Variants in STK3 observed in about 807,000 individuals in gnomAD.
STK3 encodes serine/threonine kinase 3.
A neutral mutation model predicts 58.0 loss-of-function variants in STK3; 41 were observed. The ratio of observed to expected loss-of-function variants is 0.71; its 90% CI spans 0.55 to 0.92. The LOEUF is 0.92. STK3 is among the 40% of genes least tolerant of loss of function. The probability of loss-of-function intolerance (pLI) is 0.00; values close to 1 mark genes in which losing one functional copy is unlikely to be tolerated. For synonymous variants in STK3, 170 were observed against 191.0 expected, an observed-to-expected ratio of 0.89 and a Z score of 0.91; for missense variants, 479 against 602.7, an observed-to-expected ratio of 0.79 and a Z score of 2.15.
chr8:98,621,948 A>G (rs1818360610), intron 6 of STK3, among the ~76,000 whole-genome samples: 1 of 151,924 alleles, frequency 6.6e-6, no homozygotes, highest in South Asian at 2.1e-4. Flanking sequence ...AGACCGTCAA[A>G]TGAAAAATTC....
Position 98,428,004 on chromosome 8 carries a change from G to C in STK3, n.483+6123C>G, listed in dbSNP as rs767207753. ...CATGACCGGCCAGAGCCTGTGGGAC[G>C]TGTCGGAGGCTAACGTCGAGGACGG... On this transcript the variant is annotated intron_variant and non_coding_transcript_variant, in intron 3 of 3. Coordinates refer to the STK3 transcript ENST00000517832. The surrounding 1 kb of genome is among the most constrained non-coding windows in gnomAD (Gnocchi z 6.7). 1 of 1,576,496 alleles carries C rather than the reference G, an allele frequency of 6.3e-7. No homozygotes were observed.
At chr8:98,792,507 A>G (rs748824131) in intron 1 of STK3, among the ~76,000 whole-genome samples, 29 of 152,102 alleles carry the variant, frequency 1.9e-4, no homozygotes, top group Non-Finnish European at 2.9e-4. Flanking sequence ...GACCAGGCTG[A>G]CCAACATGGA....
intron 8 of STK3, among the ~76,000 whole-genome samples, chr8:98,556,347 C>A (rs1330051363): frequency 6.6e-6 from 1 of 151,940 alleles, no homozygotes; most frequent in Non-Finnish European, 1.5e-5. Context: ...GAGATAAAAT[C>A]TAGCCAAACG....
chr8:98,568,574 TGAA>T (rs1812702014), intron 8 of STK3, among the ~76,000 whole-genome samples: 1 of 151,932 alleles, frequency 6.6e-6, no homozygotes, highest in Non-Finnish European at 1.5e-5. Context: ...CCCGTACATT[TGAA>T]GAAAGCCCAT....
intron 3 of STK3, among the ~76,000 whole-genome samples, chr8:98,761,799 T>C (rs1830633603): frequency 6.6e-6 from 1 of 152,216 alleles, no homozygotes; most frequent in African/African-American, 2.4e-5. Flanking sequence ...TCCTCCAACA[T>C]GGTGATTTTG....
At chr8:98,490,090 T>C (rs535801275) in intron 10 of STK3, among the ~76,000 whole-genome samples, 1 of 152,316 alleles carries the variant, frequency 6.6e-6, no homozygotes, top group South Asian at 2.1e-4. Context: ...TTATAGTTAG[T>C]CGTAGAGTTT....
At chr8:98,655,214 G>A (rs1240407106) in intron 6 of STK3, among the ~76,000 whole-genome samples, 3 of 152,174 alleles carry the variant, frequency 2.0e-5, no homozygotes, top group Admixed American at 1.3e-4. Flanking sequence ...TGACAAACCT[G>A]ACAAAAACAA....
intron 1 of STK3, among the ~76,000 whole-genome samples, chr8:98,788,715 A>G (rs567518925): frequency 6.6e-6 from 1 of 152,332 alleles, no homozygotes; most frequent in Admixed American, 6.5e-5. Flanking sequence ...ACAGGAAAAT[A>G]TCACAATCCT....
At chr8:98,497,842 A>G (rs760860268) in intron 10 of STK3, among the ~76,000 whole-genome samples, 4 of 152,194 alleles carry the variant, frequency 2.6e-5, no homozygotes, top group Non-Finnish European at 4.4e-5. Context: ...TACACTGCTG[A>G]CAGGAATGTA....
At chr8:98,533,466 A>G (rs1184202279) in intron 9 of STK3, among the ~76,000 whole-genome samples, 1 of 152,042 alleles carries the variant, frequency 6.6e-6, no homozygotes, top group Non-Finnish European at 1.5e-5. Flanking sequence ...GTATGTATGT[A>G]TGGATGGATG....
At chr8:98,591,579 C>G (rs369343836) in intron 7 of STK3, among the ~76,000 whole-genome samples, 253 of 152,306 alleles carry the variant, frequency 1.7e-3, no homozygotes, top group African/African-American at 5.8e-3. Flanking sequence ...ACCCTTTTAA[C>G]TTTATTAGCC....
intron 1 of STK3, among the ~76,000 whole-genome samples, chr8:98,775,607 T>G (rs1438669035): frequency 6.6e-6 from 1 of 152,202 alleles, no homozygotes; most frequent in Non-Finnish European, 1.5e-5. Context: ...TTTATGCTTA[T>G]CTCTAGCCAA....
At chr8:98,537,212 C>A (rs1809837318) in intron 9 of STK3, among the ~76,000 whole-genome samples, 1 of 152,096 alleles carries the variant, frequency 6.6e-6, no homozygotes, top group Non-Finnish European at 1.5e-5. Flanking sequence ...GCTTATACTT[C>A]TAAATATTTT....
At chr8:98,905,766 C>T in intron 1 of STK3, 1 of 446,780 alleles carries the variant, frequency 2.2e-6, no homozygotes, top group African/African-American at 2.0e-5. Flanking sequence ...AAAACTTCAG[C>T]CGAATTAAAT....
At chr8:98,900,927 G>C (rs912769479) in intron 1 of STK3, among the ~76,000 whole-genome samples, 13 of 152,268 alleles carry the variant, frequency 8.5e-5, no homozygotes, top group African/African-American at 2.9e-4. Flanking sequence ...TTCCTAAAGT[G>C]CTGGGATAAC....
chr8:98,790,626 T>A (rs929063783), intron 1 of STK3, among the ~76,000 whole-genome samples: 1 of 152,120 alleles, frequency 6.6e-6, no homozygotes, highest in African/African-American at 2.4e-5. Context: ...ATGCCCACTC[T>A]CACCACTCCT....
chr8:98,881,908 G>A (rs1260710353), downstream of STK3: 1 of 152,096 alleles, frequency 6.6e-6, no homozygotes, highest in African/African-American at 2.4e-5. Flanking sequence ...AGAAGCTTGA[G>A]GCCAGGAGGT....
At chr8:98,917,249 T>C (rs1015628262) in intron 1 of STK3, among the ~76,000 whole-genome samples, 15 of 152,354 alleles carry the variant, frequency 9.8e-5, no homozygotes, top group East Asian at 3.9e-4. Flanking sequence ...TTCATTGATT[T>C]CCTACAGACA....
intron 1 of STK3, among the ~76,000 whole-genome samples, chr8:98,934,783 G>C (rs1361221007): frequency 6.6e-6 from 1 of 152,104 alleles, no homozygotes; most frequent in Non-Finnish European, 1.5e-5. Context: ...AGGTGTGGTG[G>C]CATGCTCCTG....
Sources: gnomAD v4.1 joint callset for allele counts (sites outside exome capture counted in the v4.1 genomes callset) on GRCh38, gnomAD v4.1.1 for gene constraint, Gnocchi (gnomAD v3.1) non-coding constraint, MANE v1.5 for transcripts, NCBI Gene and HGNC (gene_info 2026-07-23, HGNC 2026-07-21) for gene names.